NYAP2: variants seen among roughly 807,000 people sequenced by gnomAD.
The protein encoded by NYAP2 is neuronal tyrosine-phosphorylated phosphoinositide-3-kinase adapter 2.
In NYAP2, 23 loss-of-function variants were observed where a neutral mutation model predicts 50.4. That is an observed-to-expected ratio of 0.46 (90% confidence interval 0.33 to 0.65). NYAP2 has a LOEUF of 0.65. Ranked by LOEUF, NYAP2 falls within the 30% of genes least tolerant of loss-of-function variation. NYAP2 has a pLI of 0.02. For synonymous variants in NYAP2, 394 were observed against 365.2 expected, an observed-to-expected ratio of 1.08 and a Z score of -0.90; for missense variants, 885 against 861.0, an observed-to-expected ratio of 1.03 and a Z score of -0.35.
chr2:225,615,910 A>G (rs561809779), intron 5 of NYAP2, among the ~76,000 whole-genome samples: 1 of 152,306 alleles, frequency 6.6e-6, no homozygotes, highest in South Asian at 2.1e-4. Flanking sequence ...GCAATGCTTT[A>G]TATTTCATTA....
At chr2:225,578,440 G>A (rs1692207062) in intron 4 of NYAP2, among the ~76,000 whole-genome samples, 1 of 152,186 alleles carries the variant, frequency 6.6e-6, no homozygotes, top group East Asian at 1.9e-4. Context: ...GCAGAGCAGT[G>A]TGATGCAGGG....
intron 4 of NYAP2, among the ~76,000 whole-genome samples, chr2:225,518,103 G>A (rs1191639861): frequency 6.6e-6 from 1 of 151,628 alleles, no homozygotes; most frequent in African/African-American, 2.4e-5. Context: ...TAAAGAAAAT[G>A]TCATTCATAC....
At chr2:225,473,561 G>T (rs917060110) in intron 3 of NYAP2, among the ~76,000 whole-genome samples, 1 of 152,220 alleles carries the variant, frequency 6.6e-6, no homozygotes, top group Non-Finnish European at 1.5e-5. Flanking sequence ...GATGGCCAGT[G>T]ATGATGAACC....
intron 5 of NYAP2, among the ~76,000 whole-genome samples, chr2:225,617,835 G>C (rs1291858958): frequency 1.3e-5 from 2 of 152,222 alleles, no homozygotes; most frequent in Non-Finnish European, 2.9e-5. Context: ...ATGAGCCAGG[G>C]ATGGGATTAG....
chr2:225,622,571 CT>C (rs1478404922), intron 5 of NYAP2, among the ~76,000 whole-genome samples: 3 of 57,064 alleles, frequency 5.3e-5, no homozygotes, highest in African/African-American at 5.4e-5. Context: ...TTCTTTCTTT[CT>C]TTCTTTCTTC....
chr2:225,669,439 A>G, the NYAP2 span, among the ~76,000 whole-genome samples: 16 of 152,156 alleles, frequency 1.1e-4, no homozygotes, highest in Non-Finnish European at 1.5e-5. Flanking sequence ...GCTAATCTCT[A>G]TATATTTCAA....
At chr2:225,620,926 T>C (rs1057104548) in intron 5 of NYAP2, among the ~76,000 whole-genome samples, 6 of 151,974 alleles carry the variant, frequency 3.9e-5, no homozygotes, top group African/African-American at 1.2e-4. Flanking sequence ...CCATTCTGGC[T>C]AACATGGTGA....
the NYAP2 span, chr2:225,699,285 G>T: frequency 6.6e-6 from 1 of 151,888 alleles, no homozygotes; most frequent in African/African-American, 2.4e-5. Context: ...GGATATATTG[G>T]ACATCCCAGC....
intron 4 of NYAP2, among the ~76,000 whole-genome samples, chr2:225,551,881 C>T (rs1282312149): frequency 2.0e-5 from 3 of 152,172 alleles, no homozygotes; most frequent in African/African-American, 4.8e-5. Context: ...GGTGCCATCT[C>T]GGCTCACTGC....
chr2:225,451,426 TA>T (rs1465911543), intron 3 of NYAP2, among the ~76,000 whole-genome samples: 3 of 152,130 alleles, frequency 2.0e-5, no homozygotes, highest in Non-Finnish European at 4.4e-5. Flanking sequence ...TCATTGCAGC[TA>T]AAAAAACAAA....
intron 3 of NYAP2, among the ~76,000 whole-genome samples, chr2:225,428,597 C>T (rs947379693): frequency 2.0e-5 from 3 of 152,172 alleles, no homozygotes; most frequent in African/African-American, 7.2e-5. Context: ...CAGATTTGGC[C>T]TGCAGTTCAT....
In NYAP2 at chr2:225,511,371, C is replaced by CAGAGAG. The variant is rs1306124018; in HGVS notation, c.222-1999_222-1998insGAGAGA. Among the ~76,000 whole-genome samples, 24 of 125,182 alleles carry CAGAGAG rather than the reference C, an allele frequency of 1.9e-4. No homozygotes were observed. In the East Asian group the frequency reaches 2.2e-3, roughly 12 times the overall value. The allele number at this position is 125,182 out of a possible 152,430, so 82.1% of individuals were successfully genotyped here. On this transcript the variant is annotated intron_variant, in intron 3 of 6. Coordinates refer to ENST00000636099, the Ensembl canonical transcript of NYAP2. Reference sequence around the variant, plus strand: ...ACACACACACACACACACACACACACACAGAGAGAGAGAGAGAGAGAGGAT... The same window carrying CAGAGAG: ...ACACACACACACACACACACACACACAGAGAGACAGAGAGAGAGAGAGAGAGAGGAT...
At chr2:225,459,995 G>A (rs765888806) in intron 3 of NYAP2, among the ~76,000 whole-genome samples, 11 of 152,114 alleles carry the variant, frequency 7.2e-5, no homozygotes, top group Admixed American at 1.3e-4. Context: ...TGATGCTTTG[G>A]AAACTCAGTT....
chr2:225,476,182 G>C (rs1177922929), intron 3 of NYAP2, among the ~76,000 whole-genome samples: 3 of 152,200 alleles, frequency 2.0e-5, no homozygotes, highest in Middle Eastern at 3.2e-3. Flanking sequence ...GGGAGGCCTA[G>C]GCGGGCGGAT....
chr2:225,464,703 G>A (rs6753233), intron 3 of NYAP2, among the ~76,000 whole-genome samples: 22,291 of 152,168 alleles, frequency 0.15, 2,559 homozygotes, highest in African/African-American at 0.32. Flanking sequence ...AGCAATCCAC[G>A]TTAGTTTTCT....
At chr2:225,455,419 C>CG (rs1689724448) in intron 3 of NYAP2, among the ~76,000 whole-genome samples, 1 of 152,206 alleles carries the variant, frequency 6.6e-6, no homozygotes. Context: ...GTACAATATA[C>CG]TATTTAATGC....
chr2:225,695,840 T>C, the NYAP2 span, among the ~76,000 whole-genome samples: 1 of 151,916 alleles, frequency 6.6e-6, no homozygotes, highest in Non-Finnish European at 1.5e-5. Context: ...AAAAAGTGAA[T>C]GCTCATGTCT....
intron 4 of NYAP2, among the ~76,000 whole-genome samples, chr2:225,567,700 C>T (rs912662966): frequency 6.6e-6 from 1 of 151,944 alleles, no homozygotes. Flanking sequence ...TGGGAAGGGT[C>T]TTATTTAGGG....
chr2:225,658,943 G>T (rs771211433), downstream of NYAP2, among the ~76,000 whole-genome samples: 2 of 152,296 alleles, frequency 1.3e-5, no homozygotes, highest in African/African-American at 4.8e-5. Flanking sequence ...CAGAATATTT[G>T]TGGGTCACTT....
Sources: allele counts gnomAD v4.1 joint callset (sites outside exome capture counted in the v4.1 genomes callset), GRCh38; gene constraint gnomAD v4.1.1; transcripts MANE v1.5; gene names NCBI Gene and HGNC (gene_info 2026-07-23, HGNC 2026-07-21).